Variants in CNGB3 observed in about 807,000 individuals in gnomAD.
The protein encoded by CNGB3 is cyclic nucleotide-gated channel beta-3.
A neutral mutation model predicts 92.8 loss-of-function variants in CNGB3; 86 were observed. That is an observed-to-expected ratio of 0.93 (90% CI 0.78 to 1.11). The LOEUF is 1.11. Among genes scored for constraint, CNGB3 ranks in the 50% least tolerant of loss-of-function variants. CNGB3 has a pLI of 0.00. For synonymous variants in CNGB3, 333 were observed against 332.7 expected (o/e 1.00, Z -0.01); for missense variants, 1,026 against 956.8 (o/e 1.07, Z -0.95).
chr8:86,665,091 T>C (rs2131613343), intron 6 of CNGB3, among the ~76,000 whole-genome samples: 1 of 152,278 alleles, frequency 6.6e-6, no homozygotes, highest in African/African-American at 2.4e-5. Flanking sequence ...GCGGTCACCA[T>C]ATTGGACAGT....
At chr8:86,705,551 T>C (rs936926540) in intron 3 of CNGB3, among the ~76,000 whole-genome samples, 8 of 151,974 alleles carry the variant, frequency 5.3e-5, no homozygotes, top group African/African-American at 1.7e-4. Context: ...AATATAATCA[T>C]GTAAGCCCCT....
rs373598719 is a variant in CNGB3, at chr8:86,629,096, G to T, written c.1321-18C>A. 2.1e-5 allele frequency: 34 copies of T among 1,613,630 alleles called. No individual in the cohort carries two copies. Among genetic ancestry groups the T allele is most frequent in the Non-Finnish European group, 2.8e-5 (33 of 1,179,774 alleles). On this transcript the variant is annotated intron_variant, in intron 11 of 17. Coordinates refer to ENST00000320005, the MANE Select transcript of CNGB3 (RefSeq NM_019098.5). ...TCTCTCATCTAAAACCACAAATATGGTCACTCCACGCCCAGCAGAGGAAAT... is the reference window on the plus strand; with the variant it reads ...TCTCTCATCTAAAACCACAAATATGTTCACTCCACGCCCAGCAGAGGAAAT...
chr8:86,715,578 T>C (rs1586033046), intron 3 of CNGB3, among the ~76,000 whole-genome samples: 1 of 151,784 alleles, frequency 6.6e-6, no homozygotes, highest in Non-Finnish European at 1.5e-5. Flanking sequence ...CCCTCTGAAA[T>C]AGTCTACGCA....
intron 3 of CNGB3, among the ~76,000 whole-genome samples, chr8:86,716,496 A>ATT (rs1824855526): frequency 6.6e-6 from 1 of 152,224 alleles, no homozygotes; most frequent in African/African-American, 2.4e-5. Context: ...TATAAAGGAA[A>ATT]ACCTACTAGA....
At chr8:86,585,264 T>C (rs1821870320) in intron 15 of CNGB3, among the ~76,000 whole-genome samples, 1 of 152,122 alleles carries the variant, frequency 6.6e-6, no homozygotes. Context: ...CATACATACA[T>C]AAATAGCATA....
chr8:86,594,918 T>G (rs972969829), intron 15 of CNGB3, among the ~76,000 whole-genome samples: 1 of 152,074 alleles, frequency 6.6e-6, no homozygotes, highest in African/African-American at 2.4e-5. Context: ...GAGACAGGGT[T>G]TCACCATGTT....
chr8:86,674,894 C>T (rs1278961074), intron 3 of CNGB3, among the ~76,000 whole-genome samples: 1 of 152,012 alleles, frequency 6.6e-6, no homozygotes, highest in Non-Finnish European at 1.5e-5. Flanking sequence ...GCTGGGACTA[C>T]AGGTGTGCAA....
intron 2 of CNGB3, among the ~76,000 whole-genome samples, chr8:86,733,775 A>G (rs944581722): frequency 6.6e-6 from 1 of 152,226 alleles, no homozygotes; most frequent in African/African-American, 2.4e-5. Flanking sequence ...ATTAAATTGT[A>G]TATGCTAATT....
intron 13 of CNGB3, among the ~76,000 whole-genome samples, chr8:86,614,261 G>A (rs915544504): frequency 6.6e-6 from 1 of 152,130 alleles, no homozygotes. Flanking sequence ...GGATGCAATT[G>A]ACTAGAATTG....
intron 3 of CNGB3, among the ~76,000 whole-genome samples, chr8:86,716,881 T>A (rs1431923833): frequency 6.6e-6 from 1 of 152,176 alleles, no homozygotes; most frequent in Non-Finnish European, 1.5e-5. Context: ...AGTACTAATA[T>A]TGAATGTAAA....
At chr8:86,666,714 C>A (rs534569985) in intron 6 of CNGB3, among the ~76,000 whole-genome samples, 1 of 152,108 alleles carries the variant, frequency 6.6e-6, no homozygotes, top group African/African-American at 2.4e-5. Flanking sequence ...TATGAGGAAA[C>A]TAAGGTACAG....
intron 3 of CNGB3, among the ~76,000 whole-genome samples, chr8:86,678,686 A>T (rs1276385740): frequency 6.6e-6 from 1 of 152,268 alleles, no homozygotes; most frequent in Non-Finnish European, 1.5e-5. Context: ...ATCATATTCT[A>T]TTGTCCCAAA....
intron 14 of CNGB3, among the ~76,000 whole-genome samples, chr8:86,607,400 G>C (rs1392017351): frequency 1.3e-5 from 2 of 152,164 alleles, no homozygotes; most frequent in Admixed American, 6.5e-5. Context: ...TTCATGTAGA[G>C]TGAGGTAACC....
chr8:86,726,504 A>T (rs1825062802), intron 3 of CNGB3, 27 bp downstream of exon 3: 2 of 1,613,258 alleles, frequency 1.2e-6, no homozygotes, highest in Admixed American at 1.7e-5. Flanking sequence ...TCTCTAAAAT[A>T]TGTTGTGTGT....
At chr8:86,668,241 T>C (rs1823783307) in intron 4 of CNGB3, 73 bp from the exon 5 acceptor site, 1 of 1,403,348 alleles carries the variant, frequency 7.1e-7, no homozygotes, top group South Asian at 1.2e-5. Flanking sequence ...TTGAATTTCT[T>C]AACCAAACAC....
At chr8:86,645,768 T>C (rs1243175997) in intron 8 of CNGB3, among the ~76,000 whole-genome samples, 3 of 151,310 alleles carry the variant, frequency 2.0e-5, no homozygotes, top group Non-Finnish European at 4.4e-5. Flanking sequence ...GTGTGGTAAT[T>C]TGTTTATTGT....
intron 3 of CNGB3, among the ~76,000 whole-genome samples, chr8:86,677,119 G>T (rs1408865022): frequency 1.3e-5 from 2 of 152,112 alleles, no homozygotes; most frequent in Non-Finnish European, 2.9e-5. Context: ...CCAAAAGCTG[G>T]GAGAGAGAGC....
chr8:86,633,115 C>T (rs1029991068), intron 10 of CNGB3, among the ~76,000 whole-genome samples: 3 of 152,112 alleles, frequency 2.0e-5, no homozygotes, highest in African/African-American at 7.2e-5. Flanking sequence ...CTAGCCGTTA[C>T]CAAAATTTGG....
intron 3 of CNGB3, among the ~76,000 whole-genome samples, chr8:86,716,411 CA>C (rs1394834693): frequency 6.6e-6 from 1 of 152,082 alleles, no homozygotes; most frequent in African/African-American, 2.4e-5. Context: ...CATCGCCTAG[CA>C]CATAGTCAGG....
Sources: gnomAD v4.1 joint callset for allele counts (sites outside exome capture counted in the v4.1 genomes callset) on GRCh38, gnomAD v4.1.1 for gene constraint, MANE v1.5 for transcripts, NCBI Gene and HGNC (gene_info 2026-07-23, HGNC 2026-07-21) for gene names.